The following CEP70 variants were observed in gnomAD, a reference collection of about 807,000 sequenced individuals.
CEP70 encodes centrosomal protein 70, also known as centrosomal protein of 70 kDa.
Under a neutral mutation model 90.9 loss-of-function variants are expected in CEP70, and 70 were observed. That is an observed-to-expected ratio of 0.77 (90% confidence interval 0.64 to 0.94). CEP70 has a LOEUF of 0.94. CEP70 is among the 40% of genes least tolerant of loss of function. The pLI is 0.00. For synonymous variants in CEP70, 220 were observed against 228.3 expected (o/e 0.96, Z 0.33); for missense variants, 648 against 669.0 (o/e 0.97, Z 0.35).
intron 13 of CEP70, among the ~76,000 whole-genome samples, chr3:138,504,854 G>A (rs1355032448): frequency 6.6e-6 from 1 of 152,124 alleles, no homozygotes; most frequent in Non-Finnish European, 1.5e-5. Context: ...AAAATAAAGT[G>A]TGAAGAGAGA....
chr3:138,497,657 A>T, intron 17 of CEP70: 2 of 976,380 alleles, frequency 2.0e-6, no homozygotes, highest in Non-Finnish European at 2.4e-6. Context: ...TATTTAAAAA[A>T]TTTTGTAGAT....
intron 11 of CEP70, among the ~76,000 whole-genome samples, chr3:138,513,335 CTT>C (rs1168325955): frequency 1.3e-5 from 2 of 152,176 alleles, no homozygotes; most frequent in Non-Finnish European, 2.9e-5. Flanking sequence ...TTAGGGGCCT[CTT>C]TACTTGGAGC....
At chr3:138,584,294 G>A (rs777179411) in intron 2 of CEP70, among the ~76,000 whole-genome samples, 11 of 151,830 alleles carry the variant, frequency 7.2e-5, no homozygotes, top group Non-Finnish European at 1.0e-4. Context: ...CTCCAGCAAA[G>A]AAAAGCCTCG....
Position 138,498,087 on chromosome 3 carries a change from T to C in CEP70, c.1676A>G (p.His559Arg). The change falls in exon 17 of 18, where the codon CAC (histidine) becomes CGC (arginine). Residue 559 changes from histidine to arginine, a missense_variant. His to Arg is a conservative substitution (Grantham distance 29). Coordinates refer to ENST00000264982, the MANE Select transcript of CEP70 (RefSeq NM_024491.4). Reference sequence around the variant, plus strand: ...CTGAAATGCTGGGAAAAATTCCTCGTGTTCTTCCAATTTGTAGATAATGCT... The same window carrying C: ...CTGAAATGCTGGGAAAAATTCCTCGCGTTCTTCCAATTTGTAGATAATGCT... ...LQSIIYKLEE[H>R]EEFFPAFQAF... The C allele has an allele frequency of 1.2e-6, 2 of 1,613,356 alleles. No individual in the cohort carries two copies. The highest frequency in any genetic ancestry group is 1.7e-6 in the Non-Finnish European group (2 of 1,179,680).
intron 13 of CEP70, among the ~76,000 whole-genome samples, chr3:138,502,318 A>G (rs966749102): frequency 2.0e-5 from 3 of 152,164 alleles, no homozygotes; most frequent in Non-Finnish European, 4.4e-5. Context: ...AGGCTACCAT[A>G]CTAGACAGCA....
rs541045727 is a variant in CEP70 at position 138,541,402 on chromosome 3, G to GAAAGAA, written c.466-4061_466-4056dup. Among the ~76,000 whole-genome samples the GAAAGAA allele has an allele frequency of 5.7e-4, 80 of 141,576 alleles. No homozygotes were observed. The East Asian group carries it at 8.3e-3, about 15-fold the overall frequency. 92.9% of individuals were successfully genotyped at this position (141,576 alleles called of 152,430 possible). On this transcript the variant is annotated intron_variant, in intron 6 of 17. Transcript: ENST00000264982. Reference sequence around the variant, plus strand: ...GAAATAACATATTCAACGTGGTGCTGAAAGAAAAAGAAAAAGAAAAAGAAA... The same window carrying GAAAGAA: ...GAAATAACATATTCAACGTGGTGCTGAAAGAAAAAGAAAAAGAAAAAGAAAAAGAAA...
intron 17 of CEP70, chr3:138,496,386 C>A: frequency 1.0e-6 from 1 of 985,406 alleles, no homozygotes; most frequent in Non-Finnish European, 1.2e-6. Flanking sequence ...GATATGGGAA[C>A]AGAAACAATA....
At chr3:138,509,622 G>T (rs909684579) in intron 11 of CEP70, among the ~76,000 whole-genome samples, 1 of 152,090 alleles carries the variant, frequency 6.6e-6, no homozygotes, top group African/African-American at 2.4e-5. Context: ...CATGGTTTTA[G>T]TTATGCAAGG....
chr3:138,522,439 GT>G (rs2036760160), intron 11 of CEP70, among the ~76,000 whole-genome samples: 1 of 152,000 alleles, frequency 6.6e-6, no homozygotes, highest in Non-Finnish European at 1.5e-5. Context: ...CCAGGAGCTG[GT>G]TTTTTGAAAA....
intron 6 of CEP70, among the ~76,000 whole-genome samples, chr3:138,558,432 G>A (rs912044359): frequency 2.0e-5 from 3 of 152,102 alleles, no homozygotes; most frequent in African/African-American, 4.8e-5. Flanking sequence ...TCCCACAAGT[G>A]TGTTTTCAGA....
chr3:138,500,388 T>G lies in CEP70; in HGVS notation c.1537+11A>C, dbSNP rs373085659. The G allele has an allele frequency of 1.3e-6, 2 of 1,566,082 alleles. No homozygotes were observed. Among genetic ancestry groups the G allele is most frequent in the African/African-American group, 1.4e-5 (1 of 72,352 alleles). On this transcript the variant is annotated intron_variant, in intron 15 of 17. Coordinates refer to ENST00000264982, the MANE Select transcript of CEP70 (RefSeq NM_024491.4). ...TAAATGGGGGCCCAAAATGACAAATTAGGTCATCACCTAATTCTAAGAGTT... is the reference window on the plus strand; with the variant it reads ...TAAATGGGGGCCCAAAATGACAAATGAGGTCATCACCTAATTCTAAGAGTT...
chr3:138,568,994 C>CA (rs796546439), intron 6 of CEP70, among the ~76,000 whole-genome samples: 3,493 of 148,806 alleles, frequency 0.023, 143 homozygotes, highest in African/African-American at 0.082. Flanking sequence ...AAAAAACAAA[C>CA]AAAAAAAAAA....
At chr3:138,541,753 GGCTCA>G (rs2038785017) in intron 6 of CEP70, among the ~76,000 whole-genome samples, 1 of 152,228 alleles carries the variant, frequency 6.6e-6, no homozygotes, top group Admixed American at 6.5e-5. Flanking sequence ...TAGGCACAGT[GGCTCA>G]TGCCTATAAT....
At chr3:138,497,819 G>A in intron 17 of CEP70, 1 of 985,368 alleles carries the variant, frequency 1.0e-6, no homozygotes, top group Non-Finnish European at 1.2e-6. Context: ...CTCCAACAAA[G>A]GTAGTTCCTA....
At chr3:138,573,684 C>G (rs2041333303) in intron 2 of CEP70, among the ~76,000 whole-genome samples, 1 of 152,120 alleles carries the variant, frequency 6.6e-6, no homozygotes, top group South Asian at 2.1e-4. Context: ...TAAACACAGA[C>G]TACATAATGA....
At position 138,522,522 on chromosome 3, in the gene CEP70, C is replaced by T. The variant is rs577440469; in HGVS notation, c.944+2968G>A. 4.7e-3 allele frequency among the ~76,000 whole-genome samples: 719 copies of T among 151,854 alleles called. 4 individuals carry two copies. Among genetic ancestry groups the T allele is most frequent in the African/African-American group, 0.017 (693 of 41,372 alleles). ...AGAGAGAAGAATCAAATAGACGCAA[C>T]AAAAAATGATAAAGGGGATATCACC... On this transcript the variant is annotated intron_variant, in intron 11 of 17. Coordinates refer to ENST00000264982, the MANE Select transcript of CEP70 (RefSeq NM_024491.4).
intron 5 of CEP70, 36 bp downstream of exon 5, chr3:138,570,998 C>T: frequency 6.6e-7 from 1 of 1,504,674 alleles, no homozygotes; most frequent in Non-Finnish European, 8.9e-7. Context: ...AGAACGCATA[C>T]AAACAATTCA....
intron 17 of CEP70, among the ~76,000 whole-genome samples, chr3:138,495,669 C>G (rs568722413): frequency 1.1e-4 from 17 of 151,984 alleles, no homozygotes; most frequent in African/African-American, 4.1e-4. Flanking sequence ...CTGGCCAACA[C>G]GGTGAAAACC....
At chr3:138,507,689 G>A (rs774693345) in intron 12 of CEP70, among the ~76,000 whole-genome samples, 2 of 152,072 alleles carry the variant, frequency 1.3e-5, no homozygotes, top group East Asian at 3.8e-4. Context: ...ATTCAGGTAC[G>A]AGTATAAATG....
Sources: allele counts gnomAD v4.1 joint callset (sites outside exome capture counted in the v4.1 genomes callset), GRCh38; gene constraint gnomAD v4.1.1; transcripts MANE v1.5; gene names NCBI Gene and HGNC (gene_info 2026-07-23, HGNC 2026-07-21).